STX8: variants seen among roughly 807,000 people sequenced by gnomAD.
The protein encoded by STX8 is syntaxin 8, also known as syntaxin-8.
In STX8, 23 loss-of-function variants were observed where a neutral mutation model predicts 37.5. The observed-to-expected ratio is 0.61, with a 90% confidence interval of 0.44 to 0.87. The LOEUF is 0.87. STX8 is among the 40% of genes least tolerant of loss of function. STX8 has a pLI of 0.00. For missense variants in STX8, 313 were observed against 284.7 expected, an observed-to-expected ratio of 1.10 and a Z score of -0.71; for synonymous variants, 115 against 99.1, an observed-to-expected ratio of 1.16 and a Z score of -0.95.
At chr17:9,435,790 T>C (rs1184638666) in intron 6 of STX8, among the ~76,000 whole-genome samples, 1 of 152,242 alleles carries the variant, frequency 6.6e-6, no homozygotes, top group Non-Finnish European at 1.5e-5. Flanking sequence ...AAGGTTTAAG[T>C]ATATGAGGTA....
intron 6 of STX8, among the ~76,000 whole-genome samples, chr17:9,488,843 T>TGTGTGTGC (rs1906724538): frequency 6.6e-6 from 1 of 151,428 alleles, no homozygotes; most frequent in African/African-American, 2.4e-5. Flanking sequence ...TGTGTGTGTG[T>TGTGTGTGC]GTGTTTTGAG....
chr17:9,291,979 C>T (rs4791828), intron 7 of STX8, among the ~76,000 whole-genome samples: 37,087 of 152,164 alleles, frequency 0.24, 4,748 homozygotes, highest in African/African-American at 0.3. Flanking sequence ...CAAATCCTCC[C>T]GCCTTGCCTT....
chr17:9,516,343 A>ATATATATG (rs55647835), intron 4 of STX8, among the ~76,000 whole-genome samples: 3 of 131,136 alleles, frequency 2.3e-5, no homozygotes, highest in African/African-American at 5.5e-5. Flanking sequence ...ATATATATAT[A>ATATATATG]GACACCTGTT....
At chr17:9,428,047 T>A (rs1913702814) in intron 6 of STX8, among the ~76,000 whole-genome samples, 1 of 152,130 alleles carries the variant, frequency 6.6e-6, no homozygotes, top group South Asian at 2.1e-4. Context: ...AGAACTGCAC[T>A]CCTAGGACCA....
chr17:9,423,411 T>C (rs949081601), intron 6 of STX8, among the ~76,000 whole-genome samples: 3 of 152,122 alleles, frequency 2.0e-5, no homozygotes, highest in Admixed American at 2.0e-4. Context: ...CTGCAACCTC[T>C]GCCTCCCGGG....
At chr17:9,420,809 T>C (rs991204793) in intron 6 of STX8, among the ~76,000 whole-genome samples, 3 of 152,226 alleles carry the variant, frequency 2.0e-5, no homozygotes, top group Non-Finnish European at 2.9e-5. Flanking sequence ...CGTCTATTGA[T>C]GAGAGTTTGC....
intron 6 of STX8, among the ~76,000 whole-genome samples, chr17:9,472,333 C>G (rs559293071): frequency 6.6e-6 from 1 of 152,312 alleles, no homozygotes; most frequent in South Asian, 2.1e-4. Flanking sequence ...TGCGAGAGTA[C>G]TGCTAGTATT....
At chr17:9,417,391 A>G (rs969431891) in intron 6 of STX8, among the ~76,000 whole-genome samples, 1 of 152,084 alleles carries the variant, frequency 6.6e-6, no homozygotes, top group Non-Finnish European at 1.5e-5. Flanking sequence ...CACCTAGAGG[A>G]GCTTTAAAAT....
intron 6 of STX8, among the ~76,000 whole-genome samples, chr17:9,439,474 T>A (rs905695134): frequency 6.6e-6 from 1 of 152,102 alleles, no homozygotes; most frequent in Non-Finnish European, 1.5e-5. Context: ...AATAGTCATA[T>A]CTTCTCCACA....
At chr17:9,509,401 GA>G (rs147670415) in intron 4 of STX8, among the ~76,000 whole-genome samples, 81 of 148,292 alleles carry the variant, frequency 5.5e-4, no homozygotes, top group South Asian at 2.4e-3. Flanking sequence ...AGTACTAAAA[GA>G]AAAAAAAAAT....
At position 9,256,315 on chromosome 17, in the gene STX8, C is replaced by T. The variant is rs188554960; in HGVS notation, c.644-5670G>A. Among the ~76,000 whole-genome samples, 3 of 152,278 alleles carry T rather than the reference C, an allele frequency of 2.0e-5. No individual in the cohort carries two copies. In the East Asian group the frequency reaches 5.8e-4, roughly 29 times the overall value. On this transcript the variant is annotated intron_variant, in intron 7 of 7. Coordinates refer to ENST00000306357, the MANE Select transcript of STX8 (RefSeq NM_004853.3). ...GATTCGAGACAGTGTGGGGGTCCCT[C>T]GGGGAGAGAGGCTCAGACTCACTGG...
In STX8 at chr17:9,258,714, C is replaced by T. The variant is rs1906893283; in HGVS notation, c.644-8069G>A. 2.6e-5 allele frequency among the ~76,000 whole-genome samples: 4 copies of T among 152,246 alleles called. No individual in the cohort carries two copies. In the South Asian group the frequency reaches 8.3e-4, roughly 32 times the overall value. On this transcript the variant is annotated intron_variant, in intron 7 of 7. Transcript: ENST00000306357. ...TGAGTTTGTTTTGTTCTTAGCCTGG[C>T]ATCCAACTCAACTCTGCAGGTTTTT...
intron 7 of STX8, among the ~76,000 whole-genome samples, chr17:9,376,963 C>G (rs954833241): frequency 2.6e-5 from 4 of 152,134 alleles, no homozygotes; most frequent in Non-Finnish European, 5.9e-5. Flanking sequence ...ATTGATAAAG[C>G]AAAAACTGAG....
intron 6 of STX8, among the ~76,000 whole-genome samples, chr17:9,431,239 G>T (rs1442886091): frequency 3.3e-5 from 4 of 120,754 alleles, no homozygotes; most frequent in Non-Finnish European, 5.1e-5. Context: ...TTATTTTTCT[G>T]TTTTTTTTTT....
At chr17:9,549,284 CAAG>C (rs1906671222) in intron 3 of STX8, among the ~76,000 whole-genome samples, 1 of 152,112 alleles carries the variant, frequency 6.6e-6, no homozygotes. Context: ...AAACTTACGT[CAAG>C]AAGGAGCTAA....
intron 6 of STX8, among the ~76,000 whole-genome samples, chr17:9,416,355 G>A (rs939579268): frequency 1.4e-4 from 21 of 151,910 alleles, no homozygotes; most frequent in Admixed American, 1.0e-3. Flanking sequence ...ACTATGGGAG[G>A]AATTTAGTTT....
At chr17:9,476,870 G>A (rs1339437480) in intron 6 of STX8, among the ~76,000 whole-genome samples, 1 of 151,906 alleles carries the variant, frequency 6.6e-6, no homozygotes, top group African/African-American at 2.4e-5. Flanking sequence ...TTGTGAGACA[G>A]GGTCTCACTC....
intron 6 of STX8, among the ~76,000 whole-genome samples, chr17:9,474,183 G>A (rs1374713857): frequency 6.6e-6 from 1 of 152,112 alleles, no homozygotes; most frequent in African/African-American, 2.4e-5. Flanking sequence ...TACATGGAGA[G>A]GGCATGGGAG....
At chr17:9,442,126 G>A (rs376503072) in intron 6 of STX8, among the ~76,000 whole-genome samples, 11 of 152,190 alleles carry the variant, frequency 7.2e-5, no homozygotes, top group Middle Eastern at 3.4e-3. Context: ...TCACTTTACC[G>A]CCACACACGT....
Sources: allele counts gnomAD v4.1 joint callset (sites outside exome capture counted in the v4.1 genomes callset), GRCh38; gene constraint gnomAD v4.1.1; transcripts MANE v1.5; gene names NCBI Gene and HGNC (gene_info 2026-07-23, HGNC 2026-07-21).